Variants in DPP4 observed in about 807,000 individuals in gnomAD.
DPP4 encodes dipeptidyl peptidase 4, also known as ADCP-2.
DPP4 carries 93 observed loss-of-function variants against 122.4 expected under a neutral mutation model. The ratio of observed to expected loss-of-function variants is 0.76; its 90% CI spans 0.64 to 0.90. The LOEUF is 0.90. DPP4 is among the 40% of genes least tolerant of loss of function. The probability of loss-of-function intolerance (pLI) is 0.00; values close to 1 mark genes in which losing one functional copy is unlikely to be tolerated. For missense variants in DPP4, 914 were observed against 907.3 expected, an observed-to-expected ratio of 1.01 and a Z score of -0.09; for synonymous variants, 321 against 302.9, an observed-to-expected ratio of 1.06 and a Z score of -0.62.
At chr2:162,003,889 C>A (rs1701215801) in intron 23 of DPP4, among the ~76,000 whole-genome samples, 1 of 151,956 alleles carries the variant, frequency 6.6e-6, no homozygotes, top group Non-Finnish European at 1.5e-5. Context: ...AAATTCAGTA[C>A]AAGATACCTA....
chr2:162,065,681 T>C (rs1328947802), intron 2 of DPP4, among the ~76,000 whole-genome samples: 1 of 152,084 alleles, frequency 6.6e-6, no homozygotes, highest in Non-Finnish European at 1.5e-5. Context: ...GGCTGAAGGA[T>C]TGGAAGGATA....
At chr2:162,046,196 G>A (rs2106133908) in intron 4 of DPP4, among the ~76,000 whole-genome samples, 1 of 152,262 alleles carries the variant, frequency 6.6e-6, no homozygotes, top group Admixed American at 6.5e-5. Flanking sequence ...CAGTGGTCTG[G>A]TGTACAGAAT....
intron 2 of DPP4, among the ~76,000 whole-genome samples, chr2:162,052,318 CAAAAAAAAAAAA>C (rs35326408): frequency 6.2e-5 from 4 of 64,762 alleles, no homozygotes; most frequent in Non-Finnish European, 5.8e-5. Context: ...AACTCCATCT[CAAAAAAAAAAAA>C]AAAAAAAAAA....
chr2:162,057,489 A>G (rs916063794), intron 2 of DPP4, among the ~76,000 whole-genome samples: 2 of 152,220 alleles, frequency 1.3e-5, no homozygotes, highest in Non-Finnish European at 2.9e-5. Flanking sequence ...CAATTAGAGA[A>G]GAGGAGGGAC....
At chr2:162,064,250 C>G (rs1684879936) in intron 2 of DPP4, among the ~76,000 whole-genome samples, 1 of 152,086 alleles carries the variant, frequency 6.6e-6, no homozygotes, top group Admixed American at 6.5e-5. Flanking sequence ...GGCCAGATTG[C>G]CAGGAAGGAA....
intron 2 of DPP4, among the ~76,000 whole-genome samples, chr2:162,056,017 G>A (rs1238496250): frequency 6.6e-6 from 1 of 152,080 alleles, no homozygotes; most frequent in Non-Finnish European, 1.5e-5. Flanking sequence ...TGCTCTTCCT[G>A]GAATGTTCTT....
chr2:162,038,681 A>G (rs1423754390), intron 7 of DPP4, among the ~76,000 whole-genome samples: 2 of 152,144 alleles, frequency 1.3e-5, no homozygotes, highest in Non-Finnish European at 2.9e-5. Flanking sequence ...ATGCTAAAGT[A>G]TATGAGAAGA....
chr2:162,006,367 C>A (rs938150956), intron 22 of DPP4, among the ~76,000 whole-genome samples: 6 of 152,116 alleles, frequency 3.9e-5, no homozygotes, highest in Non-Finnish European at 8.8e-5. Context: ...TGATTTAAAT[C>A]ATATTTTATT....
chr2:162,034,490 GAA>G (rs1303041978), intron 9 of DPP4, among the ~76,000 whole-genome samples: 1 of 151,890 alleles, frequency 6.6e-6, no homozygotes, highest in Admixed American at 6.6e-5. Context: ...ATTTCTTACA[GAA>G]AAAACACTTT....
chr2:161,993,156 G>T lies in DPP4; in HGVS notation c.*127C>A. The T allele has an allele frequency of 1.4e-6, 1 of 711,910 alleles. No individual in the cohort carries two copies. Among genetic ancestry groups the T allele is most frequent in the Non-Finnish European group, 2.4e-6 (1 of 422,052 alleles). The allele number at this position is 711,910 out of a possible 1,614,324, so 44.1% of individuals were successfully genotyped here. On this transcript the variant is annotated 3_prime_UTR_variant, in exon 26 of 26. Transcript: ENST00000360534. Reference sequence around the variant, plus strand: ...ATAGGTATGAAATTTGGGAACAAAGGTAACCTTAAGTTTCTTGATTTGAGT... The same window carrying T: ...ATAGGTATGAAATTTGGGAACAAAGTTAACCTTAAGTTTCTTGATTTGAGT...
chr2:162,009,327 T>A (rs760131796), intron 20 of DPP4, 32 bp from the exon 21 acceptor site: 1 of 1,600,446 alleles, frequency 6.2e-7, no homozygotes, highest in Non-Finnish European at 8.6e-7. Flanking sequence ...CACAGATCAG[T>A]ACTGCATTGT....
intron 2 of DPP4, among the ~76,000 whole-genome samples, chr2:162,049,430 G>C (rs1684305177): frequency 6.9e-6 from 1 of 144,542 alleles, no homozygotes; most frequent in South Asian, 2.4e-4. Context: ...TGAACAATGA[G>C]AACACATGGA....
At chr2:162,039,243 T>C in intron 5 of DPP4, 59 bp from the exon 6 acceptor site, 2 of 1,357,536 alleles carry the variant, frequency 1.5e-6, no homozygotes. Flanking sequence ...GGCCACTCAC[T>C]ATAGGAGACC....
intron 23 of DPP4, among the ~76,000 whole-genome samples, chr2:162,004,220 TA>T (rs1701224155): frequency 6.6e-6 from 1 of 152,108 alleles, no homozygotes; most frequent in Non-Finnish European, 1.5e-5. Context: ...GGGTGGGAGT[TA>T]ATCTCCCAGC....
At chr2:162,029,225 C>T (rs1041553244) in intron 10 of DPP4, among the ~76,000 whole-genome samples, 1 of 152,090 alleles carries the variant, frequency 6.6e-6, no homozygotes, top group Non-Finnish European at 1.5e-5. Context: ...ATATTAATTC[C>T]CTTAATTTGT....
intron 10 of DPP4, among the ~76,000 whole-genome samples, chr2:162,030,803 G>A (rs1482988761): frequency 1.3e-5 from 2 of 152,146 alleles, no homozygotes; most frequent in East Asian, 1.9e-4. Flanking sequence ...ACACATTCCT[G>A]TGGCATTTCC....
intron 2 of DPP4, among the ~76,000 whole-genome samples, chr2:162,048,569 T>C (rs923080337): frequency 1.3e-5 from 2 of 152,238 alleles, no homozygotes; most frequent in Middle Eastern, 3.4e-3. Context: ...TCATTCACTC[T>C]TATGACCAGC....
At chr2:161,996,904 G>C (rs1361691113) in intron 23 of DPP4, among the ~76,000 whole-genome samples, 2 of 152,148 alleles carry the variant, frequency 1.3e-5, no homozygotes, top group Non-Finnish European at 2.9e-5. Flanking sequence ...CCTTAAACAA[G>C]GGTGGGCTAC....
intron 8 of DPP4, 105 bp from the exon 9 acceptor site, chr2:162,035,429 A>G (rs1683734609): frequency 1.0e-6 from 1 of 998,112 alleles, no homozygotes; most frequent in Non-Finnish European, 1.5e-6. Context: ...GTAGAGTTCA[A>G]CTAATGAACC....
Sources: gnomAD v4.1 joint callset for allele counts (sites outside exome capture counted in the v4.1 genomes callset) on GRCh38, gnomAD v4.1.1 for gene constraint, MANE v1.5 for transcripts, NCBI Gene and HGNC (gene_info 2026-07-23, HGNC 2026-07-21) for gene names.